CLSTN1: variants seen among roughly 807,000 people sequenced by gnomAD.
CLSTN1 encodes calsyntenin 1, also known as calsyntenin-1.
A neutral mutation model predicts 108.3 loss-of-function variants in CLSTN1; 28 were observed. The ratio of observed to expected loss-of-function variants is 0.26; its 90% CI spans 0.19 to 0.35. The LOEUF is 0.35. Ranked by LOEUF, CLSTN1 falls within the 10% of genes least tolerant of loss-of-function variation. The pLI is 1.00. For missense variants in CLSTN1, 1,157 were observed against 1,302.6 expected, an observed-to-expected ratio of 0.89 and a Z score of 1.72; for synonymous variants, 524 against 534.9, an observed-to-expected ratio of 0.98 and a Z score of 0.28.
At chr1:9,797,903 G>A (rs1016611694) in intron 1 of CLSTN1, among the ~76,000 whole-genome samples, 2 of 151,718 alleles carry the variant, frequency 1.3e-5, no homozygotes, top group African/African-American at 4.8e-5. Context: ...AGGCCAGCCT[G>A]GCCAACATGG....
Position 9,755,281 on chromosome 1 carries a change from C to T in CLSTN1, c.273G>A (p.Gly91=), listed in dbSNP as rs371351055. The T allele has an allele frequency of 5.6e-6, 9 of 1,612,800 alleles. No homozygotes were observed. The highest frequency in any genetic ancestry group is 1.7e-5 in the Admixed American group (1 of 59,918). The change falls in exon 4 of 19, where the codon GGG becomes GGA. Residue 91 remains glycine (G), a synonymous_variant. Coordinates refer to ENST00000377298, the MANE Select transcript of CLSTN1 (RefSeq NM_001009566.3). The stretch of plus-strand genomic sequence containing the variant: ...CCACTGCATCAAAGGGGACATTCTG[C>T]CCGTGAATTTTAAATCCACAAATCT... ...EGEICGFKIH[G]QNVPFDAVVV...
chr1:9,807,738 A>G (rs559278494), intron 1 of CLSTN1, among the ~76,000 whole-genome samples: 19 of 152,180 alleles, frequency 1.2e-4, no homozygotes, highest in African/African-American at 4.6e-4. Context: ...CTCCACCTCA[A>G]AACCTTTCTG....
chr1:9,782,863 C>T (rs765329064), intron 1 of CLSTN1, among the ~76,000 whole-genome samples: 2 of 152,168 alleles, frequency 1.3e-5, no homozygotes, highest in Non-Finnish European at 2.9e-5. Flanking sequence ...AAAAATTAGC[C>T]GGGCGTGGTG....
chr1:9,792,366 A>G (rs1192674784), intron 1 of CLSTN1, among the ~76,000 whole-genome samples: 3 of 151,494 alleles, frequency 2.0e-5, no homozygotes, highest in Non-Finnish European at 4.4e-5. Flanking sequence ...GTGATGTGGC[A>G]GCCTCTCCAG....
intron 2 of CLSTN1, among the ~76,000 whole-genome samples, chr1:9,760,962 TG>T (rs1652044723): frequency 6.6e-6 from 1 of 151,940 alleles, no homozygotes; most frequent in Non-Finnish European, 1.5e-5. Flanking sequence ...CTCTCAGAAT[TG>T]CCTCTCACAT....
At chr1:9,749,391 T>C in intron 7 of CLSTN1, 70 bp downstream of exon 7, 1 of 1,334,612 alleles carries the variant, frequency 7.5e-7, no homozygotes, top group Non-Finnish European at 1.0e-6. Flanking sequence ...CACACAAGTA[T>C]TTCCAGTTGT....
chr1:9,756,902 C>T (rs1437274452), intron 2 of CLSTN1, among the ~76,000 whole-genome samples: 1 of 151,976 alleles, frequency 6.6e-6, no homozygotes, highest in East Asian at 1.9e-4. Flanking sequence ...CCTCAGCCTC[C>T]CGAGTAGCTG....
chr1:9,741,358 G>T, intron 9 of CLSTN1, 102 bp from the exon 10 acceptor site: 1 of 1,132,462 alleles, frequency 8.8e-7, no homozygotes, highest in Non-Finnish European at 1.3e-6. Context: ...TTCCTAGGAG[G>T]AAAAGGATGA....
intron 1 of CLSTN1, among the ~76,000 whole-genome samples, chr1:9,804,361 CA>C (rs35632390): frequency 0.29 from 18,948 of 65,110 alleles, 1,253 homozygotes; most frequent in South Asian, 0.44. Context: ...GACTCCATCT[CA>C]AAAAAAAAAA....
intron 9 of CLSTN1, 48 bp downstream of exon 9, chr1:9,743,836 G>A (rs756609954): frequency 3.5e-5 from 56 of 1,607,508 alleles, no homozygotes; most frequent in Non-Finnish European, 4.6e-5. Context: ...GGGATTATAG[G>A]TGTGAGCACC....
intron 1 of CLSTN1, among the ~76,000 whole-genome samples, chr1:9,812,664 T>C (rs1043699050): frequency 6.6e-6 from 1 of 151,674 alleles, no homozygotes; most frequent in Non-Finnish European, 1.5e-5. Flanking sequence ...CTGACAAACA[T>C]GGAGAAACCC....
rs1652780714 is a variant in CLSTN1, at chr1:9,773,317, G to A, written c.169C>T (p.Pro57Ser). The change falls in exon 2 of 19, where the codon CCC (proline) becomes TCC (serine). Residue 57 changes from proline (P) to serine (S), a missense_variant. Transcript: ENST00000377298. ...TENDNTVLLD[P>S]PLIALDKDAP... is the part of the protein sequence containing the mutation. ...TCTTTATCCAGCGCGATCAGTGGGG[G>A]GTCGAGGAGCACGGTGTTGTCGTTC... 2 of 1,614,020 alleles carry A rather than the reference G, an allele frequency of 1.2e-6. No homozygotes were observed. Among genetic ancestry groups the A allele is most frequent in the Non-Finnish European group, 1.7e-6 (2 of 1,180,028 alleles).
Position 9,816,341 on chromosome 1 carries a change from G to A in CLSTN1, c.91+7302C>T, listed in dbSNP as rs983864753. On this transcript the variant is annotated intron_variant, in intron 1 of 18. Coordinates refer to ENST00000377298, the MANE Select transcript of CLSTN1 (RefSeq NM_001009566.3). ...AGAAAATAGACTAGGGGTTGCCAAG[G>A]GAGGAGGAGAGGAGGAGGGAGATGG... 6.6e-5 allele frequency among the ~76,000 whole-genome samples: 10 copies of A among 152,150 alleles called. No individual in the cohort carries two copies. In the East Asian group the frequency reaches 1.5e-3, roughly 23 times the overall value.
At chr1:9,731,429 G>A (rs184968248) in intron 17 of CLSTN1, 39 bp from the exon 18 acceptor site, 27 of 1,599,548 alleles carry the variant, frequency 1.7e-5, no homozygotes, top group Non-Finnish European at 2.3e-5. Flanking sequence ...AGGTCACTCG[G>A]CCCAGAAGGC....
intron 1 of CLSTN1, among the ~76,000 whole-genome samples, chr1:9,781,644 T>A (rs571790383): frequency 6.6e-6 from 1 of 152,228 alleles, no homozygotes; most frequent in South Asian, 2.1e-4. Context: ...GGTTTCTCCA[T>A]GTTGGTCAGG....
intron 1 of CLSTN1, among the ~76,000 whole-genome samples, chr1:9,818,966 T>C (rs532160136): frequency 2.9e-4 from 44 of 149,986 alleles, no homozygotes; most frequent in African/African-American, 8.8e-4. Flanking sequence ...TTTTGTATTT[T>C]TTTTTAGTAG....
At chr1:9,821,091 A>C (rs774160933) in intron 1 of CLSTN1, among the ~76,000 whole-genome samples, 1 of 152,230 alleles carries the variant, frequency 6.6e-6, no homozygotes, top group Non-Finnish European at 1.5e-5. Context: ...GAAGGACATG[A>C]CCGTCCAGGG....
intron 18 of CLSTN1, 39 bp downstream of exon 18, chr1:9,731,167 G>GCTGC (rs1650365896): frequency 6.2e-7 from 1 of 1,612,234 alleles, no homozygotes; most frequent in Non-Finnish European, 8.5e-7. Flanking sequence ...CCTGGCCTGT[G>GCTGC]CTGCCTCTCA....
chr1:9,755,239 A>T lies in CLSTN1; in HGVS notation c.315T>A (p.Thr105=), dbSNP rs1450468199. 1 of 1,614,136 alleles carries T rather than the reference A, an allele frequency of 6.2e-7. No homozygotes were observed. The highest frequency in any genetic ancestry group is 8.5e-7 in the Non-Finnish European group (1 of 1,179,990). Residue 105 remains threonine, a synonymous_variant, in exon 4 of 19, where the codon ACT becomes ACA. Coordinates refer to ENST00000377298, the MANE Select transcript of CLSTN1 (RefSeq NM_001009566.3). ...PFDAVVVDKS[T]GEGVIRSKEK... The stretch of plus-strand genomic sequence containing the variant: ...CTTTGGAGCGAATGACTCCCTCACC[A>T]GTGGATTTATCCACTACCACTGCAT...
Sources: allele counts gnomAD v4.1 joint callset (sites outside exome capture counted in the v4.1 genomes callset), GRCh38; gene constraint gnomAD v4.1.1; transcripts MANE v1.5; gene names NCBI Gene and HGNC (gene_info 2026-07-23, HGNC 2026-07-21).